Variants in PDZRN3 observed in about 807,000 individuals in gnomAD.
PDZRN3 encodes PDZ domain containing ring finger 3, also known as E3 ubiquitin-protein ligase PDZRN3.
A neutral mutation model predicts 85.7 loss-of-function variants in PDZRN3; 38 were observed. The observed-to-expected ratio is 0.44, with a 90% CI of 0.34 to 0.58. The LOEUF is 0.58. Among genes scored for constraint, PDZRN3 ranks in the 20% least tolerant of loss-of-function variants. The pLI is 0.01. For missense variants in PDZRN3, 1,629 were observed against 1,506.4 expected, an observed-to-expected ratio of 1.08 and a Z score of -1.35; for synonymous variants, 759 against 638.0, an observed-to-expected ratio of 1.19 and a Z score of -2.86.
At chr3:73,571,436 A>C (rs1290702558) in intron 3 of PDZRN3, among the ~76,000 whole-genome samples, 1 of 152,192 alleles carries the variant, frequency 6.6e-6, no homozygotes, top group Admixed American at 6.5e-5. Context: ...CTCTGTTTTC[A>C]TTATAGATCC....
At chr3:73,423,589 C>T (rs575044214) in intron 3 of PDZRN3, among the ~76,000 whole-genome samples, 2 of 152,218 alleles carry the variant, frequency 1.3e-5, no homozygotes, top group Non-Finnish European at 2.9e-5. Context: ...TTTATAAAAA[C>T]ATTAGTTCTA....
Position 73,383,355 on chromosome 3 carries a change from G to T in PDZRN3, c.*10C>A, listed in dbSNP as rs1559643882. The T allele has an allele frequency of 6.3e-7, 1 of 1,591,372 alleles. No homozygotes were observed. The highest frequency in any genetic ancestry group is 1.7e-5 in the Admixed American group (1 of 57,908). On this transcript the variant is annotated 3_prime_UTR_variant, in exon 10 of 10. Transcript: ENST00000263666. ...TGGTCTCCTTTATGTACATAATGCA[G>T]AAGTGAAAATTATACAGTAGTCACC...
chr3:73,464,439 T>C (rs1024452319), intron 3 of PDZRN3, among the ~76,000 whole-genome samples: 2 of 152,222 alleles, frequency 1.3e-5, no homozygotes, highest in Admixed American at 6.5e-5. Context: ...TCAAATAACA[T>C]TGTTGAACTC....
At chr3:73,543,458 C>T (rs1701335799) in intron 3 of PDZRN3, among the ~76,000 whole-genome samples, 1 of 152,220 alleles carries the variant, frequency 6.6e-6, no homozygotes, top group South Asian at 2.1e-4. Flanking sequence ...GGTATCTCAT[C>T]CAGACTTTAA....
chr3:73,602,198 A>G (rs564986790), intron 3 of PDZRN3, among the ~76,000 whole-genome samples, 156 bp downstream of exon 3: 9 of 152,356 alleles, frequency 5.9e-5, no homozygotes, highest in Non-Finnish European at 1.0e-4. Flanking sequence ...AAGGCAATCA[A>G]CACTCAATCT....
At chr3:73,420,932 T>C (rs1159267363) in intron 3 of PDZRN3, among the ~76,000 whole-genome samples, 1 of 152,220 alleles carries the variant, frequency 6.6e-6, no homozygotes, top group Non-Finnish European at 1.5e-5. Flanking sequence ...TAATTGCTAT[T>C]GTAGGCTTGG....
intron 3 of PDZRN3, among the ~76,000 whole-genome samples, chr3:73,594,984 TCTC>T (rs1470118246): frequency 6.6e-6 from 1 of 152,140 alleles, no homozygotes; most frequent in African/African-American, 2.4e-5. Context: ...AAGTCACCCT[TCTC>T]CTTGTTTATG....
At chr3:73,575,059 T>C (rs1286708527) in intron 3 of PDZRN3, among the ~76,000 whole-genome samples, 1 of 152,098 alleles carries the variant, frequency 6.6e-6, no homozygotes, top group Non-Finnish European at 1.5e-5. Context: ...CAGCAGAAAA[T>C]CCCCAAGCTC....
chr3:73,561,389 T>C (rs1008241831), intron 3 of PDZRN3: 1 of 152,148 alleles, frequency 6.6e-6, no homozygotes, highest in Non-Finnish European at 1.5e-5. Context: ...GTGGCTACAA[T>C]GAAATGAGCA....
In PDZRN3 at chr3:73,624,910, C is replaced by T; in HGVS notation, c.-85G>A. The T allele has an allele frequency of 9.2e-7, 1 of 1,083,024 alleles. No homozygotes were observed. Among genetic ancestry groups the T allele is most frequent in the East Asian group, 3.4e-5 (1 of 29,606 alleles). 67.1% of individuals were successfully genotyped at this position (1,083,024 alleles called of 1,614,324 possible). On this transcript the variant is annotated 5_prime_UTR_variant, in exon 1 of 10. Coordinates refer to ENST00000263666, the MANE Select transcript of PDZRN3 (RefSeq NM_015009.3). ...AGGCGGCCCAGACAGGCCGGCTACGCCGCCCGCGCGCTCGCTGGCTCTCCC... is the reference window on the plus strand; with the variant it reads ...AGGCGGCCCAGACAGGCCGGCTACGTCGCCCGCGCGCTCGCTGGCTCTCCC...
chr3:73,400,690 T>G (rs1446542772), intron 5 of PDZRN3, among the ~76,000 whole-genome samples: 2 of 152,234 alleles, frequency 1.3e-5, no homozygotes, highest in Non-Finnish European at 2.9e-5. Flanking sequence ...TTTAAGTGAT[T>G]CAAATTAAAA....
chr3:73,504,316 C>T (rs1171674019), intron 3 of PDZRN3, among the ~76,000 whole-genome samples: 1 of 152,158 alleles, frequency 6.6e-6, no homozygotes, highest in Non-Finnish European at 1.5e-5. Flanking sequence ...GAAACATATT[C>T]TCTTGGACAC....
At chr3:73,558,475 A>G (rs1052422014) in intron 3 of PDZRN3, among the ~76,000 whole-genome samples, 1 of 152,242 alleles carries the variant, frequency 6.6e-6, no homozygotes, top group African/African-American at 2.4e-5. Context: ...AAACAGATAT[A>G]TAGGCAAAAG....
In PDZRN3 at chr3:73,385,803, C is replaced by A. The variant is rs749001428; in HGVS notation, c.1519-18G>T. 2.2e-6 allele frequency: 3 copies of A among 1,339,128 alleles called. No homozygotes were observed. Among genetic ancestry groups the A allele is most frequent in the Non-Finnish European group, 2.2e-6 (2 of 929,802 alleles). 83.0% of individuals were successfully genotyped at this position (1,339,128 alleles called of 1,614,324 possible). A position where few individuals can be genotyped will look rare whatever the true frequency, so the allele number is the denominator to read the frequency against. ...TCATCCAGCTGCAGGCAAGAGCAGCCAACACATGCCTTAGAAGTTTCCTTT... is the reference window on the plus strand; with the variant it reads ...TCATCCAGCTGCAGGCAAGAGCAGCAAACACATGCCTTAGAAGTTTCCTTT... On this transcript the variant is annotated intron_variant, in intron 8 of 9. Transcript: ENST00000263666.
intron 2 of PDZRN3, among the ~76,000 whole-genome samples, chr3:73,606,326 A>G (rs1702598756): frequency 6.6e-6 from 1 of 152,226 alleles, no homozygotes; most frequent in African/African-American, 2.4e-5. Context: ...ATGGCAAAAC[A>G]TGTTCTTGAT....
intron 3 of PDZRN3, among the ~76,000 whole-genome samples, chr3:73,556,403 C>T (rs1376581115): frequency 6.6e-6 from 1 of 152,014 alleles, no homozygotes; most frequent in African/African-American, 2.4e-5. Flanking sequence ...ACTGCTATCT[C>T]ACCCAAAAAA....
intron 3 of PDZRN3, among the ~76,000 whole-genome samples, chr3:73,506,294 T>C (rs919492384): frequency 1.3e-5 from 2 of 152,156 alleles, no homozygotes; most frequent in Admixed American, 1.3e-4. Flanking sequence ...GATCATATAA[T>C]TAATGATTGG....
intron 3 of PDZRN3, among the ~76,000 whole-genome samples, chr3:73,545,294 C>T (rs4677299): frequency 0.73 from 110,990 of 152,148 alleles, 41,184 homozygotes; most frequent in African/African-American, 0.87. Context: ...GCAACCTCTT[C>T]CCTAGAAAGG....
intron 3 of PDZRN3, among the ~76,000 whole-genome samples, chr3:73,488,983 A>G (rs554999823): frequency 1.3e-5 from 2 of 152,272 alleles, no homozygotes; most frequent in African/African-American, 4.8e-5. Flanking sequence ...AGTGTGTTCG[A>G]TAGGCCTAAC....
Sources: allele counts gnomAD v4.1 joint callset (sites outside exome capture counted in the v4.1 genomes callset), GRCh38; gene constraint gnomAD v4.1.1; transcripts MANE v1.5; gene names NCBI Gene and HGNC (gene_info 2026-07-23, HGNC 2026-07-21).